Variants in AMBN observed in about 807,000 individuals in gnomAD.
AMBN encodes the protein enamel matrix protein.
Under a neutral mutation model 48.0 loss-of-function variants are expected in AMBN, and 54 were observed. The observed-to-expected ratio is 1.12, with a 90% confidence interval of 0.90 to 1.41. AMBN has a LOEUF of 1.41. Among genes scored for constraint, AMBN ranks in the 40% most tolerant of loss-of-function variants. The pLI, the probability that AMBN is intolerant of heterozygous loss-of-function variation, is 0.00. For synonymous variants in AMBN, 186 were observed against 190.0 expected, an observed-to-expected ratio of 0.98 and a Z score of 0.17; for missense variants, 571 against 547.3, an observed-to-expected ratio of 1.04 and a Z score of -0.43.
At chr4:70,603,079 A>T in intron 9 of AMBN, 69 bp downstream of exon 9, 1 of 1,509,030 alleles carries the variant, frequency 6.6e-7, no homozygotes, top group Non-Finnish European at 9.0e-7. Context: ...ATAAGAGTGA[A>T]TTTTTTCATT....
intron 5 of AMBN, among the ~76,000 whole-genome samples, chr4:70,600,849 A>G (rs996328696): frequency 1.3e-5 from 2 of 152,218 alleles, no homozygotes; most frequent in Non-Finnish European, 2.9e-5. Context: ...AATTATGTTA[A>G]TGGTGACTGT....
rs142755020 is a variant in AMBN, at chr4:70,603,276, G to A, written c.665G>A (p.Arg222His). 1,126 of 1,613,388 alleles carry A rather than the reference G, an allele frequency of 7.0e-4. No homozygotes were observed. The highest frequency in any genetic ancestry group is 8.9e-4 in the Non-Finnish European group (1,048 of 1,179,698). Residue 222 changes from arginine to histidine, a missense_variant, in exon 10 of 13, where the codon CGT (arginine) becomes CAT (histidine). Arg to His is a conservative substitution (Grantham distance 29, BLOSUM62 0). Transcript: ENST00000322937. ...PQGSTIFQIA[R>H]LISHGPMPQN... Reference sequence around the variant, plus strand: ...CATTTAAAGATTTTCCAAATAGCCCGTTTGATTTCTCACGGACCAATGCCA... The same window carrying A: ...CATTTAAAGATTTTCCAAATAGCCCATTTGATTTCTCACGGACCAATGCCA...
chr4:70,599,908 T>A (rs1256080777), intron 5 of AMBN, among the ~76,000 whole-genome samples: 2 of 152,146 alleles, frequency 1.3e-5, no homozygotes, highest in Non-Finnish European at 2.9e-5. Context: ...CAGTAAACAA[T>A]CCTCGAAAAT....
At chr4:70,604,850 A>C (rs1252257284) in intron 12 of AMBN, among the ~76,000 whole-genome samples, 3 of 152,106 alleles carry the variant, frequency 2.0e-5, no homozygotes, top group African/African-American at 7.2e-5. Flanking sequence ...AAAATCAGCC[A>C]GGTTTAGTGG....
rs1380052606 is a variant in AMBN, at chr4:70,603,320, G to T, written c.708+1G>T. ...AATGCCACAAAATAAACAATCTCCA[G>T]TAAGTTTTTTTTAATACCACATCTC... On this transcript the variant is annotated splice_donor_variant, in intron 10 of 12. Transcript: ENST00000322937. LOFTEE classifies it high-confidence loss of function. 6.2e-7 allele frequency: 1 copy of T among 1,613,474 alleles called. No individual in the cohort carries two copies. The highest frequency in any genetic ancestry group is 2.2e-5 in the East Asian group (1 of 44,766).
chr4:70,606,123 GC>G, intron 12 of AMBN, 61 bp from the exon 13 acceptor site: 1 of 1,561,238 alleles, frequency 6.4e-7, no homozygotes, highest in East Asian at 2.3e-5. Context: ...ACCAGGTATA[GC>G]TGCATGGTAT....
rs376598317 is a variant in AMBN, at chr4:70,592,316, G to T, written c.-43G>T. On this transcript the variant is annotated 5_prime_UTR_variant, in exon 1 of 13. Coordinates refer to ENST00000322937, the MANE Select transcript of AMBN (RefSeq NM_016519.6). Reference sequence around the variant, plus strand: ...AAAAAATTTTAATCTTCTTTTCTTAGAACTATCTTGGTTGGCATCATCAGG... The same window carrying T: ...AAAAAATTTTAATCTTCTTTTCTTATAACTATCTTGGTTGGCATCATCAGG... 6.2e-7 allele frequency: 1 copy of T among 1,611,998 alleles called. No homozygotes were observed. The highest frequency in any genetic ancestry group is 8.5e-7 in the Non-Finnish European group (1 of 1,178,414).
chr4:70,592,525 T>C, intron 1 of AMBN, 152 bp downstream of exon 1: 1 of 734,380 alleles, frequency 1.4e-6, no homozygotes, highest in African/African-American at 1.8e-5. Context: ...AGAGATGACA[T>C]GCCTAACACC....
chr4:70,605,822 C>T (rs1001276730), intron 12 of AMBN, among the ~76,000 whole-genome samples: 1 of 152,160 alleles, frequency 6.6e-6, no homozygotes, highest in African/African-American at 2.4e-5. Context: ...ACAAGATTCT[C>T]GCTCAACAAA....
rs982761389 is a variant in AMBN at position 70,596,943 on chromosome 4, G to A, written c.85-56G>A. 49 of 1,499,850 alleles carry A rather than the reference G, an allele frequency of 3.3e-5. No individual in the cohort carries two copies. The Middle Eastern group carries it at 5.1e-4, about 16-fold the overall frequency. 92.9% of individuals were successfully genotyped at this position (1,499,850 alleles called of 1,614,324 possible). A position where few individuals can be genotyped will look rare whatever the true frequency, so the allele number is the denominator to read the frequency against. On this transcript the variant is annotated intron_variant, in intron 2 of 12. Transcript: ENST00000322937. The stretch of plus-strand genomic sequence containing the variant: ...TGGAGCAATATCCTACGCCCAATGG[G>A]CATTGAAGGAAGTTTTGTACCAATA...
At position 70,601,534 on chromosome 4, in the gene AMBN, C is replaced by T. The variant is rs1203227274; in HGVS notation, c.411C>T (p.Ala137=). 1.2e-6 allele frequency: 2 copies of T among 1,614,174 alleles called. No individual in the cohort carries two copies. The highest frequency in any genetic ancestry group is 3.3e-5 in the Admixed American group (2 of 60,024). Residue 137 remains alanine (A), a synonymous_variant, in exon 6 of 13, where the codon GCC becomes GCT. Transcript: ENST00000322937. ...LQSAAATTNQ[A]TALKEALQPP... ...CTGCTGCTGCAACCACCAACCAGGC[C>T]ACAGCACTGAAAGAAGCACTTCAGC...
In AMBN at chr4:70,593,976, TTAGA is replaced by T. The variant is rs371093375; in HGVS notation, c.84+585_84+588del. ...ATTCCACTCATTCAAAGTTAAAAGC[TTAGA>T]TAGTCTCCACAATGCATGGCGAAAT... is the stretch of plus-strand genomic sequence containing the variant. On this transcript the variant is annotated intron_variant, in intron 2 of 12. Coordinates refer to ENST00000322937, the MANE Select transcript of AMBN (RefSeq NM_016519.6). 3.7e-3 allele frequency among the ~76,000 whole-genome samples: 566 copies of T among 152,302 alleles called. 5 individuals are homozygous for T. The highest frequency in any genetic ancestry group is 0.013 in the African/African-American group (539 of 41,566).
chr4:70,598,522 A>C (rs1737441040), intron 4 of AMBN, 119 bp downstream of exon 4: 1 of 735,014 alleles, frequency 1.4e-6, no homozygotes, highest in African/African-American at 1.8e-5. Flanking sequence ...GGAAGAACCA[A>C]GAAGTAAATG....
At chr4:70,600,118 C>A (rs572136702) in intron 5 of AMBN, among the ~76,000 whole-genome samples, 2 of 152,196 alleles carry the variant, frequency 1.3e-5, no homozygotes, top group East Asian at 3.9e-4. Flanking sequence ...ACCAGCCTGG[C>A]CAACATGGTG....
chr4:70,593,326 G>C lies in AMBN; in HGVS notation c.16-1G>C. The C allele has an allele frequency of 6.2e-7, 1 of 1,603,172 alleles. No individual in the cohort carries two copies. The highest frequency in any genetic ancestry group is 8.5e-7 in the Non-Finnish European group (1 of 1,172,442). On this transcript the variant is annotated splice_acceptor_variant, in intron 1 of 12. Transcript: ENST00000322937. LOFTEE classifies it high-confidence loss of function. ...AATTCTCCAACTTAATTATGTTTTA[G>C]ATTCCACTTTTCAAAATGAAGGACC...
At chr4:70,603,785 T>A (rs1737580811) in intron 11 of AMBN, 92 bp from the exon 12 acceptor site, 7 of 1,382,880 alleles carry the variant, frequency 5.1e-6, no homozygotes, top group Non-Finnish European at 7.1e-6. Flanking sequence ...AATATTAAGG[T>A]TTAAGTGAAA....
Position 70,603,286 on chromosome 4 carries a change from T to C in AMBN, c.675T>C (p.Ser225=). Residue 225 remains serine, a synonymous_variant, in exon 10 of 13, where the codon TCT becomes TCC. Coordinates refer to ENST00000322937, the MANE Select transcript of AMBN (RefSeq NM_016519.6). ...STIFQIARLI[S]HGPMPQNKQS... ...TTTTCCAAATAGCCCGTTTGATTTC[T>C]CACGGACCAATGCCACAAAATAAAC... 6.2e-7 allele frequency: 1 copy of C among 1,613,792 alleles called. No homozygotes were observed. The highest frequency in any genetic ancestry group is 8.5e-7 in the Non-Finnish European group (1 of 1,179,838).
intron 2 of AMBN, 60 bp from the exon 3 acceptor site, chr4:70,596,939 A>T (rs1010979678): frequency 1.4e-6 from 2 of 1,479,780 alleles, no homozygotes; most frequent in Non-Finnish European, 1.9e-6. Context: ...CCTACGCCCA[A>T]TGGGCATTGA....
At chr4:70,595,973 T>C (rs752348612) in intron 2 of AMBN, among the ~76,000 whole-genome samples, 9 of 152,078 alleles carry the variant, frequency 5.9e-5, no homozygotes, top group Non-Finnish European at 1.2e-4. Context: ...CTGGGCAACA[T>C]AGTGAGACCC....
Sources: gnomAD v4.1 joint callset for allele counts (sites outside exome capture counted in the v4.1 genomes callset) on GRCh38, gnomAD v4.1.1 for gene constraint, MANE v1.5 for transcripts, NCBI Gene and HGNC (gene_info 2026-07-23, HGNC 2026-07-21) for gene names.